The following DGKB variants were observed in gnomAD, a reference collection of about 807,000 sequenced individuals.
DGKB encodes the protein diacylglycerol kinase beta.
DGKB carries 67 observed loss-of-function variants against 114.3 expected under a neutral mutation model. The observed-to-expected ratio is 0.59, with a 90% CI of 0.48 to 0.72. DGKB has a LOEUF of 0.72. Ranked by LOEUF, DGKB falls within the 30% of genes least tolerant of loss-of-function variation. The probability of loss-of-function intolerance (pLI) is 0.00; values close to 1 mark genes in which losing one functional copy is unlikely to be tolerated. For missense variants in DGKB, 907 were observed against 975.2 expected (o/e 0.93, Z 0.93); for synonymous variants, 398 against 323.1 (o/e 1.23, Z -2.49).
chr7:14,423,792 T>A (rs1023669331), intron 21 of DGKB, among the ~76,000 whole-genome samples: 5 of 152,138 alleles, frequency 3.3e-5, no homozygotes, highest in African/African-American at 1.2e-4. Flanking sequence ...TATATGGCAA[T>A]ATATTGAATC....
At chr7:14,530,254 C>T (rs950399772) in intron 20 of DGKB, among the ~76,000 whole-genome samples, 6 of 151,368 alleles carry the variant, frequency 4.0e-5, no homozygotes, top group South Asian at 2.1e-4. Context: ...CACTGTTTTA[C>T]GAAGCATACA....
At chr7:14,199,302 T>C (rs1044905574) in intron 23 of DGKB, among the ~76,000 whole-genome samples, 5 of 151,970 alleles carry the variant, frequency 3.3e-5, no homozygotes, top group South Asian at 4.2e-4. Flanking sequence ...TGGCTACAAA[T>C]ATTAAAGTGG....
intron 23 of DGKB, among the ~76,000 whole-genome samples, chr7:14,232,478 C>A (rs1197517085): frequency 1.3e-5 from 2 of 151,320 alleles, no homozygotes; most frequent in Admixed American, 6.6e-5. Context: ...GGATGATTGG[C>A]CATATGACCA....
At chr7:14,643,552 T>C (rs1812260383) in intron 13 of DGKB, among the ~76,000 whole-genome samples, 1 of 152,084 alleles carries the variant, frequency 6.6e-6, no homozygotes, top group Non-Finnish European at 1.5e-5. Flanking sequence ...TGAAACCAAC[T>C]GGAACTGGTG....
chr7:14,379,261 C>A (rs756910912), intron 21 of DGKB, among the ~76,000 whole-genome samples: 5 of 152,070 alleles, frequency 3.3e-5, no homozygotes, highest in Non-Finnish European at 7.4e-5. Flanking sequence ...ATAAGAGCTC[C>A]CATTTCTTTT....
At chr7:14,836,078 G>T (rs1371563100) in intron 2 of DGKB, among the ~76,000 whole-genome samples, 1 of 152,150 alleles carries the variant, frequency 6.6e-6, no homozygotes, top group African/African-American at 2.4e-5. Flanking sequence ...GGCTCAGGTA[G>T]TTTATGTTAC....
intron 21 of DGKB, among the ~76,000 whole-genome samples, chr7:14,392,995 G>GTTTTTTTGTTTGTTTTTTTTTTT (rs1554404750): frequency 1.7e-5 from 1 of 60,546 alleles, no homozygotes; most frequent in African/African-American, 4.8e-5. Context: ...TTTTGTTTTT[G>GTTTTTTTGTTTGTTTTTTTTTTT]TTTTTTTTTT....
chr7:14,841,907 T>C (rs545347427), intron 1 of DGKB, among the ~76,000 whole-genome samples: 205 of 152,324 alleles, frequency 1.3e-3, no homozygotes, highest in Non-Finnish European at 2.3e-3. Context: ...GATTAAGTTT[T>C]AGTTTTATGA....
At chr7:14,683,352 G>C (rs957873991) in intron 10 of DGKB, among the ~76,000 whole-genome samples, 1 of 152,138 alleles carries the variant, frequency 6.6e-6, no homozygotes, top group African/African-American at 2.4e-5. Context: ...CAGGCCTTTG[G>C]TGAAAATTCA....
intron 12 of DGKB, among the ~76,000 whole-genome samples, chr7:14,675,764 C>G (rs1819749123): frequency 6.6e-6 from 1 of 151,940 alleles, no homozygotes; most frequent in Non-Finnish European, 1.5e-5. Flanking sequence ...GAAAATTCTC[C>G]TAACCAAGAA....
intron 14 of DGKB, among the ~76,000 whole-genome samples, chr7:14,624,916 T>C (rs1038915206): frequency 3.7e-4 from 57 of 152,010 alleles, no homozygotes; most frequent in African/African-American, 1.2e-3. Context: ...GGAGGATCAC[T>C]GGAGTCTGGG....
chr7:14,230,370 G>C (rs903584474), intron 23 of DGKB, among the ~76,000 whole-genome samples: 4 of 151,740 alleles, frequency 2.6e-5, no homozygotes, highest in Non-Finnish European at 5.9e-5. Flanking sequence ...TGTATTTTTG[G>C]GGTAAATGCC....
chr7:14,594,773 A>G (rs991845726), intron 17 of DGKB, among the ~76,000 whole-genome samples: 1 of 152,138 alleles, frequency 6.6e-6, no homozygotes, highest in Non-Finnish European at 1.5e-5. Context: ...GTAAGAATGT[A>G]TTTTGAAAGG....
intron 23 of DGKB, among the ~76,000 whole-genome samples, chr7:14,247,118 T>G (rs1445051580): frequency 6.6e-6 from 1 of 152,178 alleles, no homozygotes; most frequent in African/African-American, 2.4e-5. Flanking sequence ...CTTATTAACT[T>G]AGCACAATGT....
intron 4 of DGKB, among the ~76,000 whole-genome samples, chr7:14,751,460 G>C (rs926674267): frequency 6.6e-6 from 1 of 152,142 alleles, no homozygotes; most frequent in African/African-American, 2.4e-5. Flanking sequence ...ATCACAATTG[G>C]TATAATTGTA....
chr7:14,375,108 C>G (rs1271834298), intron 21 of DGKB, among the ~76,000 whole-genome samples: 1 of 152,146 alleles, frequency 6.6e-6, no homozygotes, highest in Non-Finnish European at 1.5e-5. Flanking sequence ...CAACCTCCCT[C>G]TCTCCGCCTC....
At chr7:14,293,491 T>TA (rs548897033) in intron 23 of DGKB, among the ~76,000 whole-genome samples, 17 of 152,106 alleles carry the variant, frequency 1.1e-4, no homozygotes, top group East Asian at 1.9e-4. Flanking sequence ...TATTGTTATT[T>TA]AAAAAAAACC....
At chr7:14,342,574 C>A (rs1362032771) in intron 22 of DGKB, among the ~76,000 whole-genome samples, 4 of 151,728 alleles carry the variant, frequency 2.6e-5, no homozygotes, top group African/African-American at 9.7e-5. Context: ...TGTGTAAATA[C>A]ATATATTTTT....
At chr7:14,556,327 T>A (rs1230289011) in intron 20 of DGKB, among the ~76,000 whole-genome samples, 1 of 152,120 alleles carries the variant, frequency 6.6e-6, no homozygotes, top group Non-Finnish European at 1.5e-5. Context: ...TTAAAAAATA[T>A]ATATTTAGTA....
Sources: allele counts gnomAD v4.1 joint callset (sites outside exome capture counted in the v4.1 genomes callset), GRCh38; gene constraint gnomAD v4.1.1; transcripts MANE v1.5; gene names NCBI Gene and HGNC (gene_info 2026-07-23, HGNC 2026-07-21).